The following FAM193A variants were observed in gnomAD, a reference collection of about 807,000 sequenced individuals.
The protein encoded by FAM193A is protein FAM193A.
A neutral mutation model predicts 126.5 loss-of-function variants in FAM193A; 22 were observed. The ratio of observed to expected loss-of-function variants is 0.17; its 90% CI spans 0.12 to 0.25. The LOEUF (loss-of-function observed/expected upper bound fraction) is 0.25. Among genes scored for constraint, FAM193A ranks in the 10% least tolerant of loss-of-function variants. The pLI is 1.00. For missense variants in FAM193A, 1,675 were observed against 1,672.8 expected (o/e 1.00, Z -0.02); for synonymous variants, 761 against 646.8 (o/e 1.18, Z -2.68).
At chr4:2,615,901 G>A (rs984548781) in intron 2 of FAM193A, among the ~76,000 whole-genome samples, 2 of 151,714 alleles carry the variant, frequency 1.3e-5, no homozygotes, top group South Asian at 2.1e-4. Context: ...ACCTCTGCCC[G>A]CTCTGGTTCA....
At chr4:2,726,231 G>C (rs918572864) in intron 20 of FAM193A, among the ~76,000 whole-genome samples, 1 of 152,138 alleles carries the variant, frequency 6.6e-6, no homozygotes, top group Admixed American at 6.6e-5. Flanking sequence ...AGTAGAGACA[G>C]TTCTCATTAT....
At chr4:2,627,619 C>A (rs1435343965) in intron 4 of FAM193A, among the ~76,000 whole-genome samples, 1 of 146,614 alleles carries the variant, frequency 6.8e-6, no homozygotes, top group African/African-American at 2.6e-5. Flanking sequence ...ACTCTGTCGC[C>A]CAGGCTGATG....
At chr4:2,685,604 C>T (rs573453546) in intron 13 of FAM193A, among the ~76,000 whole-genome samples, 59 of 152,328 alleles carry the variant, frequency 3.9e-4, no homozygotes, top group Non-Finnish European at 7.9e-4. Flanking sequence ...AGCAGAAATA[C>T]AGAGAGTCTG....
At chr4:2,641,755 C>T (rs886602385) in intron 6 of FAM193A, among the ~76,000 whole-genome samples, 2 of 152,148 alleles carry the variant, frequency 1.3e-5, no homozygotes, top group Non-Finnish European at 2.9e-5. Flanking sequence ...CTGACCATCT[C>T]CACTTCATAA....
At chr4:2,650,677 C>T (rs963601915) in intron 7 of FAM193A, among the ~76,000 whole-genome samples, 1 of 152,150 alleles carries the variant, frequency 6.6e-6, no homozygotes, top group African/African-American at 2.4e-5. Flanking sequence ...GACATAGTGC[C>T]ACCTGCTAAG....
chr4:2,645,334 C>A (rs1192186056), intron 6 of FAM193A, among the ~76,000 whole-genome samples: 3 of 152,170 alleles, frequency 2.0e-5, no homozygotes, highest in Non-Finnish European at 4.4e-5. Context: ...TGGTAATAAT[C>A]TACATGTGTC....
intron 1 of FAM193A, among the ~76,000 whole-genome samples, chr4:2,538,645 GT>G (rs1737036642): frequency 1.3e-5 from 1 of 76,884 alleles, no homozygotes; most frequent in Admixed American, 2.1e-4. Context: ...GATCTTTGGG[GT>G]TTTTAAGGGC....
chr4:2,578,889 A>C (rs9996550), intron 1 of FAM193A, among the ~76,000 whole-genome samples: 36,449 of 151,648 alleles, frequency 0.24, 4,528 homozygotes, highest in East Asian at 0.32. Context: ...GAGGAGGAGG[A>C]GGCGGAAGAG....
intron 20 of FAM193A, among the ~76,000 whole-genome samples, chr4:2,725,255 C>T (rs1181464716): frequency 3.3e-5 from 5 of 151,570 alleles, no homozygotes; most frequent in Non-Finnish European, 7.4e-5. Context: ...TGGTGCTTGC[C>T]TGGGCAACAC....
At chr4:2,731,213 A>AC (rs1233259816) in intron 20 of FAM193A, among the ~76,000 whole-genome samples, 2 of 110,440 alleles carry the variant, frequency 1.8e-5, no homozygotes, top group East Asian at 2.8e-4. Flanking sequence ...AAAAAAAAAA[A>AC]AAAAAAAAAA....
At chr4:2,636,378 A>G (rs1744093283) in intron 5 of FAM193A, among the ~76,000 whole-genome samples, 1 of 152,108 alleles carries the variant, frequency 6.6e-6, no homozygotes, top group South Asian at 2.1e-4. Flanking sequence ...GAATATTTTA[A>G]TAGCCTCTTC....
At chr4:2,548,872 G>A (rs1371688788) in intron 1 of FAM193A, among the ~76,000 whole-genome samples, 3 of 151,768 alleles carry the variant, frequency 2.0e-5, no homozygotes, top group Non-Finnish European at 2.9e-5. Context: ...TTAGCTCAAG[G>A]TTATGAAGAT....
intron 2 of FAM193A, among the ~76,000 whole-genome samples, chr4:2,605,961 A>C (rs1741511792): frequency 1.5e-5 from 1 of 66,696 alleles, no homozygotes. Context: ...ACAGAGTGAG[A>C]CTCTGTCTCA....
intron 15 of FAM193A, among the ~76,000 whole-genome samples, chr4:2,692,884 AGAGAG>A (rs1038528793): frequency 3.3e-5 from 5 of 151,992 alleles, no homozygotes; most frequent in African/African-American, 7.3e-5. Context: ...AGAAAAGAAA[AGAGAG>A]GAGAGAGAAG....
chr4:2,616,583 G>T (rs1252532406), intron 2 of FAM193A, among the ~76,000 whole-genome samples: 12 of 150,638 alleles, frequency 8.0e-5, no homozygotes, highest in African/African-American at 7.3e-5. Context: ...TTTGAAACAG[G>T]GTCTCACTCT....
At chr4:2,714,540 T>TCCAC (rs1719338788) in intron 19 of FAM193A, among the ~76,000 whole-genome samples, 1 of 152,106 alleles carries the variant, frequency 6.6e-6, no homozygotes, top group African/African-American at 2.4e-5. Context: ...GATTGTGGCC[T>TCCAC]CCACCCCGCT....
chr4:2,537,469 C>T (rs1013712838), intron 1 of FAM193A, among the ~76,000 whole-genome samples: 2 of 152,196 alleles, frequency 1.3e-5, no homozygotes, highest in African/African-American at 4.8e-5. Context: ...CAGGCTGGAG[C>T]AGCCCCTCAA....
chr4:2,605,334 A>G (rs1213362149), intron 2 of FAM193A, among the ~76,000 whole-genome samples: 1 of 152,200 alleles, frequency 6.6e-6, no homozygotes, highest in Non-Finnish European at 1.5e-5. Context: ...TCACCTAAGC[A>G]TCTACCCACA....
intron 1 of FAM193A, among the ~76,000 whole-genome samples, chr4:2,549,420 G>A (rs1226781050): frequency 2.6e-5 from 3 of 114,036 alleles, no homozygotes; most frequent in South Asian, 2.7e-4. Flanking sequence ...TTTTTGAGAC[G>A]GAGTCTCGCT....
Sources: allele counts gnomAD v4.1 joint callset (sites outside exome capture counted in the v4.1 genomes callset), GRCh38; gene constraint gnomAD v4.1.1; transcripts MANE v1.5; gene names NCBI Gene and HGNC (gene_info 2026-07-23, HGNC 2026-07-21).